The following USP24 variants were observed in gnomAD, a reference collection of about 807,000 sequenced individuals.
USP24 encodes ubiquitin carboxyl-terminal hydrolase 24.
In USP24, 97 loss-of-function variants were observed where a neutral mutation model predicts 361.6. The observed-to-expected ratio is 0.27, with a 90% CI of 0.23 to 0.32. USP24 has a LOEUF of 0.32. Ranked by LOEUF, USP24 falls within the 10% of genes least tolerant of loss-of-function variation. The pLI, the probability that USP24 is intolerant of heterozygous loss-of-function variation, is 1.00. For missense variants in USP24, 2,353 were observed against 3,165.6 expected, an observed-to-expected ratio of 0.74 and a Z score of 6.16; for synonymous variants, 1,098 against 1,124.6, an observed-to-expected ratio of 0.98 and a Z score of 0.47.
At chr1:55,125,012 G>A in intron 34 of USP24, among the ~76,000 whole-genome samples, 1 of 152,054 alleles carries the variant, frequency 6.6e-6, no homozygotes, top group Non-Finnish European at 1.5e-5. Context: ...ATCCTCATCT[G>A]TTCTTCAAGG....
chr1:55,141,701 G>C lies in USP24; in HGVS notation c.2665C>G (p.Leu889Val), dbSNP rs1363039747. The C allele has an allele frequency of 1.9e-6, 3 of 1,610,592 alleles. No individual in the cohort carries two copies. The highest frequency in any genetic ancestry group is 1.7e-6 in the Non-Finnish European group (2 of 1,178,366). The change falls in exon 24 of 68, where the codon CTA becomes GTA. Residue 889 changes from leucine to valine, a missense_variant. Leu to Val is a conservative substitution (Grantham distance 32). Transcript: ENST00000294383. Reference sequence around the variant, plus strand: ...GTTGCTCTGGTCACAGCATGTGTTAGAGTGGGGCCACCAAGTGCTGAACTG... The same window carrying C: ...GTTGCTCTGGTCACAGCATGTGTTACAGTGGGGCCACCAAGTGCTGAACTG... The part of the protein sequence containing the change: ...AASSALGGPT[L>V]THAVTRATKM...
rs755956731 is a variant in USP24, at chr1:55,083,831, G to A, written c.6823C>T (p.Pro2275Ser). 1.9e-6 allele frequency: 3 copies of A among 1,605,886 alleles called. No homozygotes were observed. The South Asian group carries it at 3.4e-5, about 18-fold the overall frequency. ...VLLALLDKDVPENCKNCAQYF... is the reference protein window; with the variant it reads ...VLLALLDKDVSENCKNCAQYF... ...TGAGCACAGTTTTTACAATTTTCTG[G>A]GACGTCTTTGTCCAACAGAGCAAGT... The change falls in exon 57 of 68, where the codon CCA becomes TCA. Residue 2275 changes from proline to serine, a missense_variant. Physicochemically the swap from Pro to Ser is moderately conservative, Grantham distance 74. Transcript: ENST00000294383.
intron 67 of USP24, among the ~76,000 whole-genome samples, chr1:55,069,365 A>G (rs960034196): frequency 1.3e-5 from 2 of 152,366 alleles, no homozygotes; most frequent in African/African-American, 4.8e-5. Context: ...CTCTGCACCC[A>G]TGTGAGAACG....
Position 55,107,229 on chromosome 1 carries a change from C to T in USP24, c.4762+10G>A, listed in dbSNP as rs541153877. 21 of 1,605,766 alleles carry T rather than the reference C, an allele frequency of 1.3e-5. No individual in the cohort carries two copies. The African/African-American group carries it at 2.4e-4, about 18-fold the overall frequency. On this transcript the variant is annotated intron_variant, in intron 40 of 67. Transcript: ENST00000294383. ...GAATCTGCCATGTGATAAGATGGAG[C>T]AATAATTACCAAGCATTTCCTTTTC...
chr1:55,107,556 CATT>C, intron 39 of USP24, 126 bp from the exon 40 acceptor site: 1 of 1,163,900 alleles, frequency 8.6e-7, no homozygotes, highest in Non-Finnish European at 1.2e-6. Context: ...AAAAAACTAT[CATT>C]AAGGCCAGGC....
chr1:55,092,674 C>T, intron 53 of USP24, 147 bp downstream of exon 53: 1 of 595,452 alleles, frequency 1.7e-6, no homozygotes, highest in Non-Finnish European at 2.9e-6. Flanking sequence ...TAATATTACC[C>T]AATACGGGCT....
At chr1:55,181,075 T>C (rs1490200800) in intron 1 of USP24, among the ~76,000 whole-genome samples, 2 of 151,574 alleles carry the variant, frequency 1.3e-5, no homozygotes, top group East Asian at 3.9e-4. Flanking sequence ...GAAACCTACA[T>C]ATCCTCACAA....
At chr1:55,168,504 A>G (rs1333916626) in intron 5 of USP24, among the ~76,000 whole-genome samples, 1 of 152,180 alleles carries the variant, frequency 6.6e-6, no homozygotes, top group Non-Finnish European at 1.5e-5. Context: ...CTGAAGCCAG[A>G]TTCACCCACA....
In USP24 at chr1:55,079,519, T is replaced by C. The variant is rs139114115; in HGVS notation, c.7200+19A>G. The C allele has an allele frequency of 6.2e-5, 97 of 1,559,274 alleles. No homozygotes were observed. The African/African-American group carries it at 1.3e-3, about 21-fold the overall frequency. ...CAAACAGGAGGGAAAAAAATGGCTT[T>C]AGAATAACAAGTACATACCTCTAAC... On this transcript the variant is annotated intron_variant, in intron 60 of 67. Coordinates refer to ENST00000294383, the MANE Select transcript of USP24 (RefSeq NM_015306.3).
chr1:55,121,065 GAACT>G (rs1242039639), intron 37 of USP24, among the ~76,000 whole-genome samples: 3 of 152,232 alleles, frequency 2.0e-5, no homozygotes, highest in African/African-American at 7.2e-5. Flanking sequence ...AAGAATGTCA[GAACT>G]ATAATATCTA....
At chr1:55,111,227 G>A (rs1261994144) in intron 38 of USP24, among the ~76,000 whole-genome samples, 2 of 151,506 alleles carry the variant, frequency 1.3e-5, no homozygotes, top group African/African-American at 4.9e-5. Flanking sequence ...GCTGTGAGAC[G>A]TAATTTTTTA....
chr1:55,172,748 T>C, intron 3 of USP24, among the ~76,000 whole-genome samples: 1 of 152,206 alleles, frequency 6.6e-6, no homozygotes, highest in East Asian at 1.9e-4. Context: ...TGAAAGCACT[T>C]TGTTTAAAAG....
Position 55,130,948 on chromosome 1 carries a change from A to C in USP24, c.3538-1374T>G, listed in dbSNP as rs184388655. Among the ~76,000 whole-genome samples the C allele has an allele frequency of 3.3e-5, 5 of 152,334 alleles. No individual in the cohort carries two copies. The East Asian group carries it at 9.6e-4, about 29-fold the overall frequency. ...AAAAATATCAAAGGAATTCACACCT[A>C]CTCAGAAGTCTTAAAATGATACCAG... On this transcript the variant is annotated intron_variant, in intron 31 of 67. Coordinates refer to ENST00000294383, the MANE Select transcript of USP24 (RefSeq NM_015306.3).
chr1:55,199,181 T>C (rs1644495550), intron 1 of USP24, among the ~76,000 whole-genome samples: 1 of 151,936 alleles, frequency 6.6e-6, no homozygotes, highest in Non-Finnish European at 1.5e-5. Context: ...CCCAGCTACT[T>C]GGGAGGCTCA....
rs1569788921 is a variant in USP24, at chr1:55,202,236, T to A, written c.324+12554A>T. Among the ~76,000 whole-genome samples, 4 of 152,338 alleles carry A rather than the reference T, an allele frequency of 2.6e-5. No individual in the cohort carries two copies. In the East Asian group the frequency reaches 5.8e-4, roughly 22 times the overall value. On this transcript the variant is annotated intron_variant, in intron 1 of 67. Coordinates refer to ENST00000294383, the MANE Select transcript of USP24 (RefSeq NM_015306.3). The stretch of plus-strand genomic sequence containing the variant: ...AAGGTATATTTCAAAATGTTTAACT[T>A]CAAACCTGCAAGTATATAATACATC...
At chr1:55,101,726 C>T in intron 42 of USP24, 23 bp from the exon 43 acceptor site, 1 of 1,581,516 alleles carries the variant, frequency 6.3e-7, no homozygotes. Context: ...GGAATAGAAA[C>T]AGCAGAGGAG....
intron 32 of USP24, among the ~76,000 whole-genome samples, chr1:55,127,478 T>C (rs1646466663): frequency 6.6e-6 from 1 of 152,242 alleles, no homozygotes; most frequent in Non-Finnish European, 1.5e-5. Flanking sequence ...TGTTGGACAT[T>C]TGGATTGGTT....
intron 65 of USP24, 53 bp from the exon 66 acceptor site, chr1:55,072,456 G>T: frequency 7.0e-7 from 1 of 1,427,078 alleles, no homozygotes; most frequent in Non-Finnish European, 9.7e-7. Flanking sequence ...GCCCCCATGG[G>T]TTCACAGTTT....
At chr1:55,088,305 C>T (rs569124150) in intron 55 of USP24, among the ~76,000 whole-genome samples, 14 of 152,302 alleles carry the variant, frequency 9.2e-5, no homozygotes, top group Admixed American at 7.2e-4. Context: ...AGACTGTGAT[C>T]GCCTTGTGGG....
Sources: allele counts gnomAD v4.1 joint callset (sites outside exome capture counted in the v4.1 genomes callset), GRCh38; gene constraint gnomAD v4.1.1; transcripts MANE v1.5; gene names NCBI Gene and HGNC (gene_info 2026-07-23, HGNC 2026-07-21).